The following AGAP1 variants were observed in gnomAD, a reference collection of about 807,000 sequenced individuals.
The protein encoded by AGAP1 is arf-GAP with GTPase, ANK repeat and PH domain-containing protein 1.
AGAP1 carries 29 observed loss-of-function variants against 105.3 expected under a neutral mutation model. The ratio of observed to expected loss-of-function variants is 0.28; its 90% CI spans 0.21 to 0.38. AGAP1 has a LOEUF of 0.38. Among genes scored for constraint, AGAP1 ranks in the 10% least tolerant of loss-of-function variants. AGAP1 has a pLI of 1.00. For missense variants in AGAP1, 998 were observed against 1,165.1 expected (o/e 0.86, Z 2.09); for synonymous variants, 509 against 485.9 (o/e 1.05, Z -0.63).
intron 1 of AGAP1, among the ~76,000 whole-genome samples, chr2:235,547,356 C>CTTTTT (rs565421160): frequency 7.4e-6 from 1 of 135,454 alleles, no homozygotes; most frequent in African/African-American, 2.8e-5. Context: ...CTTACATTGA[C>CTTTTT]TTTTTTTTTT....
chr2:235,697,553 CTG>C (rs531474613), intron 1 of AGAP1, among the ~76,000 whole-genome samples: 2 of 152,206 alleles, frequency 1.3e-5, no homozygotes, highest in African/African-American at 2.4e-5. Context: ...GCTTCACAGA[CTG>C]TGCTCCCTTC....
At chr2:235,629,268 T>TGTGTGTG (rs1447460667) in intron 1 of AGAP1, among the ~76,000 whole-genome samples, 1 of 135,722 alleles carries the variant, frequency 7.4e-6, no homozygotes, top group Non-Finnish European at 1.6e-5. Context: ...GTAGTAGTCA[T>TGTGTGTG]TGTGTGTGTG....
chr2:236,069,207 A>G (rs1265514124), intron 16 of AGAP1, among the ~76,000 whole-genome samples: 2 of 152,228 alleles, frequency 1.3e-5, no homozygotes, highest in African/African-American at 4.8e-5. Context: ...TTAGTATGCA[A>G]GTAATGCATA....
rs773575394 is a variant in AGAP1 at position 236,120,206 on chromosome 2, G to A, written c.2129G>A (p.Arg710Gln). The change falls in exon 17 of 18, where the codon CGG becomes CAG. Residue 710 changes from arginine to glutamine, a missense_variant. Arg to Gln is a conservative substitution (Grantham distance 43). Transcript: ENST00000304032. The surrounding 1 kb of genome is among the most constrained non-coding windows in gnomAD (Gnocchi z 6.0). ...SVDSTREEKE[R>Q]WIRAKYEQKL... Reference sequence around the variant, plus strand: ...GCTCTTTGCAGGGAAGAGAAGGAACGGTGGATCCGTGCCAAGTACGAGCAG... The same window carrying A: ...GCTCTTTGCAGGGAAGAGAAGGAACAGTGGATCCGTGCCAAGTACGAGCAG... The A allele has an allele frequency of 1.2e-5, 20 of 1,611,634 alleles. No individual in the cohort carries two copies. The highest frequency in any genetic ancestry group is 8.8e-5 in the South Asian group (8 of 90,780).
rs543994026 is a variant in AGAP1, at chr2:236,008,238, G to A, written c.1646-28323G>A. ...GCCCAACCACACCCAAGGCCTCGTC[G>A]GTTTCTGTTCTCATGCTGTTGTCAT... On this transcript the variant is annotated intron_variant, in intron 13 of 17. Coordinates refer to ENST00000304032, the MANE Select transcript of AGAP1 (RefSeq NM_001037131.3). Among the ~76,000 whole-genome samples, 38 of 152,244 alleles carry A rather than the reference G, an allele frequency of 2.5e-4. No individual in the cohort carries two copies. In the East Asian group the frequency reaches 3.5e-3, roughly 14 times the overall value.
Position 236,050,626 on chromosome 2 carries a change from T to C in AGAP1, c.2114+1345T>C, listed in dbSNP as rs544269318. ...TATTTTTTCACAGATAATGATAACA[T>C]TGGAGGAAACTTGGGTCTGAAAATG... On this transcript the variant is annotated intron_variant, in intron 16 of 17. Transcript: ENST00000304032. This position sits in a 1 kb window ranked among gnomAD's most constrained non-coding sequence, Gnocchi z 4.0. Among the ~76,000 whole-genome samples, 4 of 152,200 alleles carry C rather than the reference T, an allele frequency of 2.6e-5. No homozygotes were observed. The highest frequency in any genetic ancestry group is 2.1e-4 in the South Asian group (1 of 4,834).
intron 13 of AGAP1, among the ~76,000 whole-genome samples, chr2:236,022,240 A>G (rs991634416): frequency 9.2e-5 from 14 of 152,208 alleles, no homozygotes; most frequent in African/African-American, 3.4e-4. Flanking sequence ...TTTAGTAGTT[A>G]AACATTCCTA....
chr2:235,573,772 T>A (rs773838227), intron 1 of AGAP1, among the ~76,000 whole-genome samples: 2 of 151,754 alleles, frequency 1.3e-5, no homozygotes, highest in Non-Finnish European at 2.9e-5. Flanking sequence ...ATCTGGAGAG[T>A]CAGGTCAGGG....
At chr2:235,647,676 C>T (rs1298659346) in intron 1 of AGAP1, among the ~76,000 whole-genome samples, 2 of 152,298 alleles carry the variant, frequency 1.3e-5, no homozygotes, top group East Asian at 1.9e-4. Context: ...GCATGAGCCA[C>T]CATGCCTGGC....
chr2:235,921,274 T>A (rs1020011263), intron 11 of AGAP1, among the ~76,000 whole-genome samples: 2 of 152,194 alleles, frequency 1.3e-5, no homozygotes, highest in African/African-American at 4.8e-5. Context: ...GAAGATTACA[T>A]AACAACATGG....
rs1486756614 is a variant in AGAP1 at position 235,925,687 on chromosome 2, T to C, written c.1325-5078T>C. ...ACAGTAGCAGCAGAGCTTGGTGTCT[T>C]TGTTGACTGTCGGCGGCCACGTGGG... On this transcript the variant is annotated intron_variant, in intron 11 of 17. Transcript: ENST00000304032. Among the ~76,000 whole-genome samples, 4 of 152,294 alleles carry C rather than the reference T, an allele frequency of 2.6e-5. No homozygotes were observed. The East Asian group carries it at 7.7e-4, about 29-fold the overall frequency.
chr2:235,973,418 C>G lies in AGAP1; in HGVS notation c.1645+4795C>G, dbSNP rs1466170322. 6.6e-6 allele frequency among the ~76,000 whole-genome samples: 1 copy of G among 152,158 alleles called. No homozygotes were observed. Among genetic ancestry groups the G allele is most frequent in the Non-Finnish European group, 1.5e-5 (1 of 68,032 alleles). On this transcript the variant is annotated intron_variant, in intron 13 of 17. Coordinates refer to ENST00000304032, the MANE Select transcript of AGAP1 (RefSeq NM_001037131.3). This position sits in a 1 kb window ranked among gnomAD's most constrained non-coding sequence, Gnocchi z 4.7. ...ACCAGGAGATGTGTGGATGACAGAG[C>G]CCGTCGCTAGGCTCTTATGTCACAG...
At chr2:236,013,204 T>G (rs930522760) in intron 13 of AGAP1, among the ~76,000 whole-genome samples, 2 of 152,238 alleles carry the variant, frequency 1.3e-5, no homozygotes, top group Non-Finnish European at 2.9e-5. Context: ...AGAATTGTAT[T>G]TGCTTCCTTA....
At chr2:236,068,237 C>CTG (rs2058400364) in intron 16 of AGAP1, among the ~76,000 whole-genome samples, 1 of 152,076 alleles carries the variant, frequency 6.6e-6, no homozygotes, top group Non-Finnish European at 1.5e-5. Context: ...CGCCACTACA[C>CTG]TCCAGCCTGG....
chr2:235,656,300 A>G (rs1947768539), intron 1 of AGAP1, among the ~76,000 whole-genome samples: 1 of 152,254 alleles, frequency 6.6e-6, no homozygotes, highest in African/African-American at 2.4e-5. Context: ...AGAACAAACA[A>G]CAGTTTCAAG....
At chr2:235,616,944 C>A (rs1477406816) in intron 1 of AGAP1, among the ~76,000 whole-genome samples, 3 of 149,706 alleles carry the variant, frequency 2.0e-5, no homozygotes, top group Admixed American at 6.7e-5. Context: ...AACAAACGTG[C>A]ATCTTTAAAT....
At chr2:235,515,813 T>A (rs1046669595) in intron 1 of AGAP1, among the ~76,000 whole-genome samples, 3 of 152,142 alleles carry the variant, frequency 2.0e-5, no homozygotes, top group Non-Finnish European at 4.4e-5. Flanking sequence ...GTAAGGAAAT[T>A]AAACACGCAC....
chr2:235,524,017 G>A (rs946187967), intron 1 of AGAP1, among the ~76,000 whole-genome samples: 1 of 152,236 alleles, frequency 6.6e-6, no homozygotes, highest in African/African-American at 2.4e-5. Context: ...CAGGGTGTGG[G>A]ATTGTGCCCG....
intron 13 of AGAP1, among the ~76,000 whole-genome samples, chr2:236,016,465 G>A (rs2056708077): frequency 6.7e-6 from 1 of 149,456 alleles, no homozygotes; most frequent in African/African-American, 2.5e-5. Flanking sequence ...AAAAAATTGT[G>A]AGGTCTGGTT....
Sources: allele counts gnomAD v4.1 joint callset (sites outside exome capture counted in the v4.1 genomes callset), GRCh38; gene constraint gnomAD v4.1.1; non-coding constraint Gnocchi (gnomAD v3.1); transcripts MANE v1.5; gene names NCBI Gene and HGNC (gene_info 2026-07-23, HGNC 2026-07-21).